The following DPH6 variants were observed in gnomAD, a reference collection of about 807,000 sequenced individuals.
DPH6 encodes the protein diphthamine biosynthesis 6.
In DPH6, 33 loss-of-function variants were observed where a neutral mutation model predicts 38.2. That is an observed-to-expected ratio of 0.86 (90% CI 0.65 to 1.15). The LOEUF (loss-of-function observed/expected upper bound fraction) is 1.15, where lower values mean the gene tolerates loss of function less well. DPH6 is among the 50% of genes most tolerant of loss of function. The pLI is 0.00. For synonymous variants in DPH6, 108 were observed against 103.0 expected (o/e 1.05, Z -0.30); for missense variants, 325 against 320.0 (o/e 1.02, Z -0.12).
chr15:35,172,973 G>T, the DPH6 span, among the ~76,000 whole-genome samples: 1 of 152,134 alleles, frequency 6.6e-6, no homozygotes, highest in Non-Finnish European at 1.5e-5. Context: ...ATTTCATAAA[G>T]ACTTTTATAA....
At chr15:35,503,713 G>A (rs767815134) in intron 3 of DPH6, among the ~76,000 whole-genome samples, 76 of 152,074 alleles carry the variant, frequency 5.0e-4, no homozygotes, top group Non-Finnish European at 9.1e-4. Flanking sequence ...ATATCTAAAT[G>A]TCTCTCATCT....
chr15:35,476,387 C>G (rs541969368), intron 3 of DPH6, among the ~76,000 whole-genome samples: 5 of 151,848 alleles, frequency 3.3e-5, no homozygotes, highest in African/African-American at 9.6e-5. Flanking sequence ...TGACTCCATC[C>G]TGCTGTGTTA....
rs1164204374 is a variant in DPH6 at position 35,542,521 on chromosome 15, C to G, written c.24-14G>C. On this transcript the variant is annotated splice_polypyrimidine_tract_variant and intron_variant, in intron 1 of 8. Transcript: ENST00000256538. The stretch of plus-strand genomic sequence containing the variant: ...TCCTTCCCACCACTAAACAATAAAT[C>G]AAGAGAGGGACAAATATCATGCTAC... 1 of 1,534,978 alleles carries G rather than the reference C, an allele frequency of 6.5e-7. No homozygotes were observed. Among genetic ancestry groups the G allele is most frequent in the Admixed American group, 1.7e-5 (1 of 59,406 alleles).
chr15:35,357,954 C>T (rs532867816), intron 3 of DPH6, among the ~76,000 whole-genome samples: 11 of 152,100 alleles, frequency 7.2e-5, no homozygotes, highest in Non-Finnish European at 1.3e-4. Flanking sequence ...AGGAAGCTTT[C>T]CTTGACTGTT....
At chr15:35,541,148 C>G (rs1056650727) in intron 2 of DPH6, among the ~76,000 whole-genome samples, 1 of 152,100 alleles carries the variant, frequency 6.6e-6, no homozygotes, top group Non-Finnish European at 1.5e-5. Context: ...CAAACATGTG[C>G]ATTTACCTCT....
intron 3 of DPH6, among the ~76,000 whole-genome samples, chr15:35,492,156 G>C (rs1296961390): frequency 6.6e-6 from 1 of 152,042 alleles, no homozygotes; most frequent in African/African-American, 2.4e-5. Flanking sequence ...TTATGTTCCA[G>C]CTCCAGCAGA....
chr15:35,542,359 T>G, intron 2 of DPH6, 54 bp downstream of exon 2: 2 of 1,404,134 alleles, frequency 1.4e-6, no homozygotes, highest in South Asian at 2.6e-5. Flanking sequence ...AATGTAATTA[T>G]GAAGTTGGAA....
chr15:35,201,147 A>G, the DPH6 span, among the ~76,000 whole-genome samples: 1 of 151,636 alleles, frequency 6.6e-6, no homozygotes, highest in African/African-American at 2.4e-5. Context: ...TTAATTTAAA[A>G]TTCTGCAAAA....
At chr15:35,412,218 G>GAT (rs1298824343) in intron 5 of DPH6, among the ~76,000 whole-genome samples, 1 of 151,614 alleles carries the variant, frequency 6.6e-6, no homozygotes, top group Non-Finnish European at 1.5e-5. Flanking sequence ...CCTCGCTAAA[G>GAT]ATATATATAA....
intron 6 of DPH6, among the ~76,000 whole-genome samples, chr15:35,398,107 C>T (rs1368337315): frequency 1.3e-5 from 2 of 152,150 alleles, no homozygotes; most frequent in African/African-American, 2.4e-5. Flanking sequence ...TTCTCTGCCC[C>T]TGGTTCCCAA....
intron 3 of DPH6, among the ~76,000 whole-genome samples, chr15:35,310,888 A>T (rs940565948): frequency 6.7e-6 from 1 of 148,344 alleles, no homozygotes; most frequent in Non-Finnish European, 1.5e-5. Flanking sequence ...CATCTCTACT[A>T]AAAATACAAA....
chr15:35,284,358 T>C (rs1029003832), intron 3 of DPH6, among the ~76,000 whole-genome samples: 1 of 152,188 alleles, frequency 6.6e-6, no homozygotes, highest in Admixed American at 6.5e-5. Flanking sequence ...GCTGCTTTTT[T>C]TCCCCCTAAG....
chr15:35,294,916 G>T (rs2052005332), intron 3 of DPH6, among the ~76,000 whole-genome samples: 1 of 152,210 alleles, frequency 6.6e-6, no homozygotes, highest in Non-Finnish European at 1.5e-5. Context: ...TGAGATATGT[G>T]CAAAGGTCCT....
intron 7 of DPH6, among the ~76,000 whole-genome samples, 183 bp downstream of exon 7, chr15:35,381,634 GGCCTC>G (rs2052867537): frequency 6.6e-5 from 10 of 152,114 alleles, no homozygotes; most frequent in Admixed American, 1.3e-4. Flanking sequence ...CTTCTATGAA[GGCCTC>G]GTCTTGTCAG....
chr15:35,425,810 C>CATATATATATATATAT (rs71741742), intron 5 of DPH6, among the ~76,000 whole-genome samples: 24 of 142,026 alleles, frequency 1.7e-4, no homozygotes, highest in African/African-American at 5.9e-4. Flanking sequence ...TATGACATGA[C>CATATATATATATATAT]ATATATATAT....
chr15:35,501,615 T>C (rs1174757422), intron 3 of DPH6, among the ~76,000 whole-genome samples: 1 of 152,134 alleles, frequency 6.6e-6, no homozygotes, highest in Non-Finnish European at 1.5e-5. Context: ...TGTTTCTTTG[T>C]TTTTTAATAA....
intron 6 of DPH6, among the ~76,000 whole-genome samples, chr15:35,382,532 CAGT>C (rs1416144105): frequency 6.6e-6 from 1 of 152,124 alleles, no homozygotes; most frequent in Non-Finnish European, 1.5e-5. Flanking sequence ...AAGCTAGATT[CAGT>C]CACAATGTAA....
chr15:35,168,135 G>A, the DPH6 span, among the ~76,000 whole-genome samples: 1 of 151,918 alleles, frequency 6.6e-6, no homozygotes, highest in South Asian at 2.1e-4. Flanking sequence ...GACAATGTAA[G>A]GAACTGCCAT....
chr15:35,400,983 G>T lies in DPH6; in HGVS notation c.567+9852C>A, dbSNP rs547969604. The stretch of plus-strand genomic sequence containing the variant: ...CTAAGAAGATTCTCAAAGACCAGGT[G>T]CCCACTCAACTGTGAAAAAGACATT... On this transcript the variant is annotated intron_variant, in intron 6 of 8. Coordinates refer to ENST00000256538, the MANE Select transcript of DPH6 (RefSeq NM_080650.4). The T allele has an allele frequency of 1.2e-4, 120 of 966,892 alleles. 1 individual carries two copies. The East Asian group carries it at 2.9e-3, about 23-fold the overall frequency. The allele number at this position is 966,892 out of a possible 1,614,324, so 59.9% of individuals were successfully genotyped here. A position where few individuals can be genotyped will look rare whatever the true frequency, so the allele number is the denominator to read the frequency against.
Sources: allele counts gnomAD v4.1 joint callset (sites outside exome capture counted in the v4.1 genomes callset), GRCh38; gene constraint gnomAD v4.1.1; transcripts MANE v1.5; gene names NCBI Gene and HGNC (gene_info 2026-07-23, HGNC 2026-07-21).